Variants in TCF7L1 observed in about 807,000 individuals in gnomAD.
TCF7L1 encodes transcription factor 7 like 1.
In TCF7L1, 18 loss-of-function variants were observed where a neutral mutation model predicts 63.7. The observed-to-expected ratio is 0.28, with a 90% CI of 0.20 to 0.42. TCF7L1 has a LOEUF of 0.42. Among genes scored for constraint, TCF7L1 ranks in the 10% least tolerant of loss-of-function variants. The pLI is 1.00. For synonymous variants in TCF7L1, 355 were observed against 340.9 expected, an observed-to-expected ratio of 1.04 and a Z score of -0.46; for missense variants, 654 against 779.3, an observed-to-expected ratio of 0.84 and a Z score of 1.91.
chr2:85,151,740 C>T (rs1045606672), intron 3 of TCF7L1, among the ~76,000 whole-genome samples: 2 of 152,212 alleles, frequency 1.3e-5, no homozygotes, highest in African/African-American at 4.8e-5. Flanking sequence ...TATATTCATG[C>T]ATTTGCATAT....
At chr2:85,291,702 T>C (rs1304025646) in intron 4 of TCF7L1, among the ~76,000 whole-genome samples, 1 of 152,160 alleles carries the variant, frequency 6.6e-6, no homozygotes, top group East Asian at 1.9e-4. Flanking sequence ...TGTCTCAGCC[T>C]CCCGGATTTT....
chr2:85,305,051 C>A (rs1682075162), intron 7 of TCF7L1, among the ~76,000 whole-genome samples: 1 of 152,170 alleles, frequency 6.6e-6, no homozygotes, highest in African/African-American at 2.4e-5. Flanking sequence ...ACCAGATGGG[C>A]AGCCTGGGTG....
At chr2:85,158,407 A>C (rs1425250745) in intron 3 of TCF7L1, among the ~76,000 whole-genome samples, 1 of 152,204 alleles carries the variant, frequency 6.6e-6, no homozygotes, top group Non-Finnish European at 1.5e-5. Context: ...GCCAGTCCAG[A>C]ACTCCGAGGC....
intron 3 of TCF7L1, among the ~76,000 whole-genome samples, chr2:85,204,291 T>TGGGG (rs1491359190): frequency 4.5e-5 from 1 of 22,056 alleles, no homozygotes; most frequent in East Asian, 8.6e-4. Context: ...ATAACTTGCT[T>TGGGG]CCCCCCCCCC....
intron 3 of TCF7L1, among the ~76,000 whole-genome samples, chr2:85,258,759 G>T (rs77520311): frequency 2.0e-5 from 3 of 152,140 alleles, no homozygotes; most frequent in Non-Finnish European, 4.4e-5. Flanking sequence ...GGGTTGGGGG[G>T]GCTGTCTGCA....
intron 3 of TCF7L1, among the ~76,000 whole-genome samples, chr2:85,155,013 C>A (rs1678112383): frequency 6.6e-6 from 1 of 152,158 alleles, no homozygotes; most frequent in African/African-American, 2.4e-5. Context: ...GACGGGGTTT[C>A]ACCATGTTGG....
rs1573015091 is a variant in TCF7L1 at position 85,261,995 on chromosome 2, C to A, written c.442-21500C>A. 5 of 490,564 alleles carry A rather than the reference C, an allele frequency of 1.0e-5. No homozygotes were observed. The East Asian group carries it at 2.6e-4, about 26-fold the overall frequency. 30.4% of individuals were successfully genotyped at this position (490,564 alleles called of 1,614,324 possible). On this transcript the variant is annotated intron_variant, in intron 3 of 11. Transcript: ENST00000282111. ...ATATTGGACAAAGGACAGCTAAAAA[C>A]AAACTGTATCCTTCTCAACAATTTC... is the stretch of plus-strand genomic sequence containing the variant.
At chr2:85,211,142 C>T (rs1053967399) in intron 3 of TCF7L1, among the ~76,000 whole-genome samples, 4 of 152,190 alleles carry the variant, frequency 2.6e-5, no homozygotes, top group Admixed American at 6.5e-5. Context: ...ATTTAGGTAT[C>T]CAGGGATCCA....
intron 4 of TCF7L1, among the ~76,000 whole-genome samples, chr2:85,294,244 G>A (rs1475927843): frequency 6.6e-6 from 1 of 151,764 alleles, no homozygotes; most frequent in Non-Finnish European, 1.5e-5. Context: ...CACCATGTTA[G>A]CCAGGACAGT....
At position 85,143,730 on chromosome 2, in the gene TCF7L1, A is replaced by G. The variant is rs1574076757; in HGVS notation, c.441+9280A>G. 2.0e-5 allele frequency among the ~76,000 whole-genome samples: 3 copies of G among 152,324 alleles called. No individual in the cohort carries two copies. The South Asian group carries it at 6.2e-4, about 32-fold the overall frequency. On this transcript the variant is annotated intron_variant, in intron 3 of 11. Coordinates refer to ENST00000282111, the MANE Select transcript of TCF7L1 (RefSeq NM_031283.3). ...AATTAGCTCCTCCTCCTCTCCAGAG[A>G]AGGGCAGCTGACCTTTGTTTCCCAG...
At chr2:85,283,635 G>T in intron 4 of TCF7L1, 57 bp downstream of exon 4, 2 of 1,575,616 alleles carry the variant, frequency 1.3e-6, no homozygotes, top group East Asian at 2.2e-5. Context: ...CTCATCCCAT[G>T]CCACTGCCTT....
In TCF7L1 at chr2:85,220,358, A is replaced by AT. The variant is rs1256715085; in HGVS notation, c.442-63137_442-63136insT. Reference sequence around the variant, plus strand: ...CTCTACTTACTTTCTGTACTTAAAAAAAAATATATATATATGTATATATAT... The same window carrying AT: ...CTCTACTTACTTTCTGTACTTAAAAATAAAATATATATATATGTATATATAT... On this transcript the variant is annotated intron_variant, in intron 3 of 11. Coordinates refer to ENST00000282111, the MANE Select transcript of TCF7L1 (RefSeq NM_031283.3). Among the ~76,000 whole-genome samples, 206 of 151,632 alleles carry AT rather than the reference A, an allele frequency of 1.4e-3. 1 individual carries two copies. The highest frequency in any genetic ancestry group is 4.8e-3 in the African/African-American group (200 of 41,380).
intron 3 of TCF7L1, among the ~76,000 whole-genome samples, chr2:85,197,872 A>G (rs898912864): frequency 6.6e-6 from 1 of 152,174 alleles, no homozygotes; most frequent in African/African-American, 2.4e-5. Context: ...GCAGGGTTCT[A>G]GAAGAGAGTC....
chr2:85,255,006 C>T (rs948462256), intron 3 of TCF7L1, among the ~76,000 whole-genome samples: 1 of 152,094 alleles, frequency 6.6e-6, no homozygotes, highest in African/African-American at 2.4e-5. Flanking sequence ...TGACCTTTCT[C>T]GAGAAGGGTG....
chr2:85,177,674 C>T (rs1035918963), intron 3 of TCF7L1, among the ~76,000 whole-genome samples: 21 of 152,044 alleles, frequency 1.4e-4, no homozygotes, highest in African/African-American at 5.1e-4. Flanking sequence ...CACTGCACTC[C>T]AGCCTGGGCA....
intron 3 of TCF7L1, among the ~76,000 whole-genome samples, chr2:85,239,749 C>T (rs1680280301): frequency 6.6e-6 from 1 of 151,980 alleles, no homozygotes; most frequent in Admixed American, 6.6e-5. Flanking sequence ...TCGAGACCAG[C>T]TTGACCAACA....
chr2:85,258,850 G>A (rs369386226), intron 3 of TCF7L1, among the ~76,000 whole-genome samples: 39 of 152,174 alleles, frequency 2.6e-4, no homozygotes, highest in African/African-American at 7.7e-4. Flanking sequence ...CTCCGAAGGC[G>A]TCTTTAGGAA....
intron 3 of TCF7L1, among the ~76,000 whole-genome samples, chr2:85,210,585 C>A (rs1679518785): frequency 6.6e-6 from 1 of 152,144 alleles, no homozygotes; most frequent in African/African-American, 2.4e-5. Flanking sequence ...TTTCACCAGG[C>A]CATTGAAGGA....
At chr2:85,142,877 C>T (rs1384197964) in intron 3 of TCF7L1, among the ~76,000 whole-genome samples, 1 of 152,212 alleles carries the variant, frequency 6.6e-6, no homozygotes. Flanking sequence ...GTTAGCAATG[C>T]TCTGAGCTCA....
Sources: allele counts gnomAD v4.1 joint callset (sites outside exome capture counted in the v4.1 genomes callset), GRCh38; gene constraint gnomAD v4.1.1; transcripts MANE v1.5; gene names NCBI Gene and HGNC (gene_info 2026-07-23, HGNC 2026-07-21).